SLC19A1: variants seen among roughly 807,000 people sequenced by gnomAD.
SLC19A1 encodes the protein reduced folate transporter.
SLC19A1 carries 37 observed loss-of-function variants against 35.3 expected under a neutral mutation model. The observed-to-expected ratio is 1.05, with a 90% confidence interval of 0.81 to 1.38. SLC19A1 has a LOEUF of 1.38. Among genes scored for constraint, SLC19A1 ranks in the 40% most tolerant of loss-of-function variants. The pLI, the probability that SLC19A1 is intolerant of heterozygous loss-of-function variation, is 0.00. For missense variants in SLC19A1, 831 were observed against 826.9 expected, an observed-to-expected ratio of 1.00 and a Z score of -0.06; for synonymous variants, 460 against 398.5, an observed-to-expected ratio of 1.15 and a Z score of -1.84.
In SLC19A1 at chr21:45,516,089, C is replaced by T. The variant is rs905797051; in HGVS notation, c.1345G>A (p.Gly449Arg). Residue 449 changes from glycine to arginine, a missense_variant, in exon 6 of 6, where the codon GGG becomes AGG. By Grantham distance (125) the Gly-to-Arg change is moderately radical. Transcript: ENST00000311124. ...TGCCGCAGGCCATCCAGCATGGCCC[C>T]CAAGAAGTAGATGATGGACAGGATC... is the stretch of plus-strand genomic sequence containing the variant. Reference protein sequence around the residue: ...FLILSIIYFLGAMLDGLRHCQ... With the variant: ...FLILSIIYFLRAMLDGLRHCQ... 1.2e-6 allele frequency: 2 copies of T among 1,603,294 alleles called. No individual in the cohort carries two copies. Among genetic ancestry groups the T allele is most frequent in the Middle Eastern group, 3.3e-4 (2 of 6,042 alleles).
chr21:45,511,498 C>T (rs143223035), downstream of SLC19A1, among the ~76,000 whole-genome samples: 747 of 152,252 alleles, frequency 4.9e-3, 9 homozygotes, highest in African/African-American at 0.017. Flanking sequence ...CCATGTCTCC[C>T]GGATGTCACC....
At chr21:45,555,075 G>A (rs2078530361) in intron 1 of SLC19A1, among the ~76,000 whole-genome samples, 1 of 149,904 alleles carries the variant, frequency 6.7e-6, no homozygotes, top group Non-Finnish European at 1.5e-5. Flanking sequence ...CGCGGGGAGT[G>A]GCCACCAGGG....
At chr21:45,511,789 GTC>G (rs1236401943), downstream of SLC19A1, among the ~76,000 whole-genome samples, 3 of 152,208 alleles carry the variant, frequency 2.0e-5, no homozygotes, top group South Asian at 2.1e-4. Flanking sequence ...CCTGCCAAGG[GTC>G]TCTGACAGGA....
downstream of SLC19A1, chr21:45,507,608 T>C (rs1405486565): frequency 1.1e-5 from 17 of 1,612,542 alleles, no homozygotes; most frequent in Non-Finnish European, 1.3e-5. Context: ...GGAGCCTTTT[T>C]TCTGTTGAGA....
chr21:45,521,054 A>T (rs1308238576), intron 5 of SLC19A1, among the ~76,000 whole-genome samples: 9 of 151,776 alleles, frequency 5.9e-5, no homozygotes. Flanking sequence ...AAAAGATACC[A>T]GGGAGGACCA....
At position 45,505,242 on chromosome 21, in the gene SLC19A1, C is replaced by T. The variant is rs778025746; in HGVS notation, c.498-6630G>A. On this transcript the variant is annotated intron_variant, in intron 3 of 4. Transcript: ENST00000417954. ...GGGCCCTCCCGGCCCCCCAGGCCCCCCAGGGCCCCCTTCATTTCCTGGCCC... is the reference window on the plus strand; with the variant it reads ...GGGCCCTCCCGGCCCCCCAGGCCCCTCAGGGCCCCCTTCATTTCCTGGCCC... 6.2e-7 allele frequency: 1 copy of T among 1,603,378 alleles called. No homozygotes were observed.
chr21:45,519,508 G>T (rs2077373299), intron 5 of SLC19A1, among the ~76,000 whole-genome samples: 2 of 120,852 alleles, frequency 1.7e-5, no homozygotes, highest in African/African-American at 6.3e-5. Context: ...TGTATCATGT[G>T]AACATTAATC....
downstream of SLC19A1, chr21:45,511,248 A>C: frequency 7.6e-7 from 1 of 1,322,610 alleles, no homozygotes. Context: ...GTGCCGTGTG[A>C]GCAGCTCTGA....
rs1263378673 is a variant in SLC19A1 at position 45,512,606 on chromosome 21, A to G, written c.*3052T>C. ...TTTAAAACAGAAGCCTGATGCTGAC[A>G]TTCACCTGCCCCAACTCTCCCCTGA... On this transcript the variant is annotated 3_prime_UTR_variant, in exon 6 of 6. Coordinates refer to ENST00000311124, the MANE Select transcript of SLC19A1 (RefSeq NM_194255.4). The G allele has an allele frequency of 6.5e-6, 4 of 613,498 alleles. No individual in the cohort carries two copies. Among genetic ancestry groups the G allele is most frequent in the African/African-American group, 5.6e-5 (3 of 54,012 alleles). The allele number at this position is 613,498 out of a possible 1,614,324, so 38.0% of individuals were successfully genotyped here.
rs781029493 is a variant in SLC19A1, at chr21:45,531,495, G to C, written c.843C>G (p.Tyr281Ter). ...TGTGCACGTAGTAGACCACCAGGTA[G>C]TAGCCGGCCGAGTTGAAGACCCACC... ...SLWWVFNSAGYYLVVYYVHIL... is the reference protein window; with the variant it reads ...SLWWVFNSAG Residue 281 changes from tyrosine (Y) to a stop codon, truncating the protein, a stop_gained, in exon 3 of 6, where the codon TAC (tyrosine) becomes TAG (stop). Transcript: ENST00000311124. LOFTEE classifies it high-confidence loss of function. 1 of 1,612,780 alleles carries C rather than the reference G, an allele frequency of 6.2e-7. No individual in the cohort carries two copies. The highest frequency in any genetic ancestry group is 8.5e-7 in the Non-Finnish European group (1 of 1,179,798).
intron 5 of SLC19A1, among the ~76,000 whole-genome samples, chr21:45,519,570 CAAAAAAAAAAAAAAAA>C (rs57639933): frequency 1.7e-5 from 1 of 57,232 alleles, no homozygotes; most frequent in Non-Finnish European, 3.3e-5. Context: ...AACTTCTGAG[CAAAAAAAAAAAAAAAA>C]AAAAAAAAGA....
In SLC19A1 at chr21:45,531,783, G is replaced by A. The variant is rs768827465; in HGVS notation, c.555C>T (p.Leu185=). The change falls in exon 3 of 6, where the codon CTC becomes CTT. Residue 185 remains leucine, a synonymous_variant. Transcript: ENST00000311124. The part of the protein sequence containing the change: ...VTVGRVSFST[L]NYISLAFLTF... ...TGAGGAAGGCCAGCGAGATGTAGTT[G>A]AGCGTGGAGAAGGAGACTCGGCCCA... 26 of 1,603,082 alleles carry A rather than the reference G, an allele frequency of 1.6e-5. No homozygotes were observed. Among genetic ancestry groups the A allele is most frequent in the Non-Finnish European group, 2.1e-5 (25 of 1,175,078 alleles).
At chr21:45,503,177 A>G (rs989010344) in intron 3 of SLC19A1, among the ~76,000 whole-genome samples, 5 of 152,212 alleles carry the variant, frequency 3.3e-5, no homozygotes, top group African/African-American at 1.2e-4. Flanking sequence ...ACTAGTTTAC[A>G]GTCCCACCAA....
chr21:45,506,025 G>T, intron 3 of SLC19A1: 1 of 1,611,256 alleles, frequency 6.2e-7, no homozygotes, highest in Admixed American at 1.7e-5. Flanking sequence ...GCCTCCTGGG[G>T]CTTAAGGAAG....
At position 45,505,387 on chromosome 21, in the gene SLC19A1, C is replaced by G. The variant is rs956592599; in HGVS notation, c.498-6775G>C. The G allele has an allele frequency of 5.7e-6, 9 of 1,570,434 alleles. No individual in the cohort carries two copies. Among genetic ancestry groups the G allele is most frequent in the African/African-American group, 1.4e-5 (1 of 74,032 alleles). On this transcript the variant is annotated intron_variant, in intron 3 of 4. Coordinates refer to the SLC19A1 transcript ENST00000417954. Reference sequence around the variant, plus strand: ...CAGCGTTCCCGGCCCTCCGGGCCCCCCTGGGCCCCCTGGGCCCCCTGGAAC... The same window carrying G: ...CAGCGTTCCCGGCCCTCCGGGCCCCGCTGGGCCCCCTGGGCCCCCTGGAAC...
At chr21:45,504,373 T>C (rs780553701) in intron 3 of SLC19A1, 13 of 1,592,920 alleles carry the variant, frequency 8.2e-6, no homozygotes, top group East Asian at 6.7e-5. Context: ...CTGTGGCTTG[T>C]AGGGGTTCAG....
At chr21:45,555,080 C>G (rs960610785) in intron 1 of SLC19A1, among the ~76,000 whole-genome samples, 1 of 148,802 alleles carries the variant, frequency 6.7e-6, no homozygotes, top group Admixed American at 6.7e-5. Flanking sequence ...GGAGTGGCCA[C>G]CAGGGGGCGA....
At chr21:45,516,941 G>A (rs1262205243) in intron 5 of SLC19A1, among the ~76,000 whole-genome samples, 1 of 152,202 alleles carries the variant, frequency 6.6e-6, no homozygotes, top group Non-Finnish European at 1.5e-5. Context: ...GGAAGATGGG[G>A]CTGACACGCT....
chr21:45,530,726 C>T lies in SLC19A1; in HGVS notation c.1151+44G>A. ...ACCCAGCGAAGCGCGGGGCTTGATC[C>T]TGGCGCCTGCCCGCCCCCGGCTTCC... On this transcript the variant is annotated intron_variant, in intron 4 of 5. Coordinates refer to ENST00000311124, the MANE Select transcript of SLC19A1 (RefSeq NM_194255.4). This position sits in a 1 kb window ranked among gnomAD's most constrained non-coding sequence, Gnocchi z 5.3. 1.3e-6 allele frequency: 2 copies of T among 1,537,218 alleles called. No individual in the cohort carries two copies. The highest frequency in any genetic ancestry group is 1.8e-6 in the Non-Finnish European group (2 of 1,137,860).
Sources: allele counts gnomAD v4.1 joint callset (sites outside exome capture counted in the v4.1 genomes callset), GRCh38; gene constraint gnomAD v4.1.1; non-coding constraint Gnocchi (gnomAD v3.1); transcripts MANE v1.5; gene names NCBI Gene and HGNC (gene_info 2026-07-23, HGNC 2026-07-21).